The following DNER variants were observed in gnomAD, a reference collection of about 807,000 sequenced individuals.
DNER encodes delta and Notch-like epidermal growth factor-related receptor.
DNER carries 33 observed loss-of-function variants against 78.2 expected under a neutral mutation model. The ratio of observed to expected loss-of-function variants is 0.42; its 90% CI spans 0.32 to 0.56. The LOEUF is 0.56. Ranked by LOEUF, DNER falls within the 20% of genes least tolerant of loss-of-function variation. The pLI is 0.11. For synonymous variants in DNER, 417 were observed against 384.8 expected (o/e 1.08, Z -0.98); for missense variants, 918 against 975.3 (o/e 0.94, Z 0.78).
intron 1 of DNER, among the ~76,000 whole-genome samples, chr2:229,627,555 C>A (rs930184097): frequency 6.6e-6 from 1 of 152,062 alleles, no homozygotes; most frequent in Non-Finnish European, 1.5e-5. Context: ...TAACAATGAA[C>A]AAAACCAAGG....
intron 11 of DNER, among the ~76,000 whole-genome samples, chr2:229,387,891 G>GTGTGTGGTTTT (rs1240360263): frequency 4.2e-4 from 24 of 57,132 alleles, no homozygotes; most frequent in African/African-American, 9.5e-4. Context: ...GTGTGTGTGT[G>GTGTGTGGTTTT]TTTTTTAATT....
At chr2:229,618,214 C>T (rs1287455523) in intron 1 of DNER, among the ~76,000 whole-genome samples, 2 of 151,970 alleles carry the variant, frequency 1.3e-5, no homozygotes, top group African/African-American at 2.4e-5. Flanking sequence ...CCAAAATTCC[C>T]GTAAGAGTCT....
intron 1 of DNER, among the ~76,000 whole-genome samples, chr2:229,649,846 G>A (rs541588893): frequency 7.2e-5 from 11 of 152,150 alleles, no homozygotes; most frequent in South Asian, 2.1e-4. Flanking sequence ...AGGCTGAGGC[G>A]GGCGGATCAC....
chr2:229,523,018 A>C (rs970726441), intron 5 of DNER, among the ~76,000 whole-genome samples: 1 of 152,226 alleles, frequency 6.6e-6, no homozygotes, highest in Admixed American at 6.5e-5. Context: ...AGACCTTCTT[A>C]CAATTTAAGA....
At chr2:229,407,562 C>T (rs1309345990) in intron 9 of DNER, among the ~76,000 whole-genome samples, 2 of 152,182 alleles carry the variant, frequency 1.3e-5, no homozygotes, top group Non-Finnish European at 2.9e-5. Context: ...GTCCATAGGT[C>T]CCACCATAGT....
intron 4 of DNER, among the ~76,000 whole-genome samples, chr2:229,557,418 C>T (rs1009031859): frequency 3.9e-5 from 6 of 152,146 alleles, no homozygotes; most frequent in Non-Finnish European, 7.3e-5. Flanking sequence ...TGATCAGAGA[C>T]GAAAACCAGT....
At chr2:229,606,913 CAA>C (rs1340352388) in intron 1 of DNER, among the ~76,000 whole-genome samples, 4 of 151,944 alleles carry the variant, frequency 2.6e-5, no homozygotes, top group Non-Finnish European at 5.9e-5. Context: ...CCACCACCAA[CAA>C]CAACAACAAC....
chr2:229,679,709 C>G (rs555464049), intron 1 of DNER, among the ~76,000 whole-genome samples: 45 of 152,158 alleles, frequency 3.0e-4, no homozygotes, highest in Admixed American at 2.1e-3. Flanking sequence ...TTTGACAATG[C>G]CAATTCCTCT....
chr2:229,700,872 G>A (rs1379186130), intron 1 of DNER, among the ~76,000 whole-genome samples: 8 of 148,408 alleles, frequency 5.4e-5, no homozygotes, highest in Middle Eastern at 3.5e-3. Flanking sequence ...CAGCCTGGGC[G>A]ACAGAGCGAG....
intron 1 of DNER, among the ~76,000 whole-genome samples, chr2:229,691,702 AG>A (rs775471545): frequency 6.6e-4 from 101 of 152,314 alleles, no homozygotes; most frequent in South Asian, 2.1e-3. Flanking sequence ...TTTAAATATA[AG>A]TATACAAAAA....
At chr2:229,387,509 GAGAAAGAAAGAAAGAA>G (rs67136130) in intron 11 of DNER, among the ~76,000 whole-genome samples, 923 of 76,094 alleles carry the variant, frequency 0.012, 2 homozygotes, top group African/African-American at 0.02. Flanking sequence ...GAAAGAAAGA[GAGAAAGAAAGAAAGAA>G]AGAAAGAAAG....
At chr2:229,462,453 T>C (rs971926339) in intron 7 of DNER, among the ~76,000 whole-genome samples, 3 of 152,204 alleles carry the variant, frequency 2.0e-5, no homozygotes, top group East Asian at 1.9e-4. Flanking sequence ...CTAGGAGTCA[T>C]ACCTGATTGT....
intron 11 of DNER, among the ~76,000 whole-genome samples, chr2:229,370,926 G>C (rs1203552237): frequency 6.6e-6 from 1 of 152,096 alleles, no homozygotes; most frequent in Non-Finnish European, 1.5e-5. Flanking sequence ...GGCCACTAAA[G>C]TGAAAAAAAC....
intron 8 of DNER, among the ~76,000 whole-genome samples, chr2:229,423,864 C>T (rs1003410287): frequency 7.2e-5 from 11 of 152,164 alleles, no homozygotes; most frequent in South Asian, 2.1e-4. Flanking sequence ...CAACTCATCA[C>T]GACACTCAGC....
At chr2:229,407,160 G>T in intron 10 of DNER, 72 bp downstream of exon 10, 4 of 1,310,870 alleles carry the variant, frequency 3.1e-6, no homozygotes, top group Non-Finnish European at 4.3e-6. Flanking sequence ...TGATGGATTT[G>T]GGTTTTTTTA....
At chr2:229,439,788 C>T (rs1694195780) in intron 8 of DNER, among the ~76,000 whole-genome samples, 1 of 152,188 alleles carries the variant, frequency 6.6e-6, no homozygotes, top group Non-Finnish European at 1.5e-5. Flanking sequence ...GAGCTGTCCT[C>T]AGAAATGCAT....
chr2:229,667,284 G>A (rs1699108992), intron 1 of DNER, among the ~76,000 whole-genome samples: 1 of 152,144 alleles, frequency 6.6e-6, no homozygotes, highest in South Asian at 2.1e-4. Context: ...TGGGTTGAAA[G>A]GATTGCACAG....
intron 1 of DNER, among the ~76,000 whole-genome samples, chr2:229,593,245 T>TCCTCCCACA (rs201780123): frequency 0.016 from 2,388 of 152,246 alleles, 67 homozygotes; most frequent in African/African-American, 0.055. Flanking sequence ...CCCCTTCCTC[T>TCCTCCCACA]CCTCCCACAA....
intron 8 of DNER, 100 bp from the exon 9 acceptor site, chr2:229,418,330 G>A: frequency 1.3e-6 from 2 of 1,514,036 alleles, no homozygotes; most frequent in South Asian, 2.4e-5. Flanking sequence ...TCATTAGAAA[G>A]TATGGTATAA....
Sources: gnomAD v4.1 joint callset for allele counts (sites outside exome capture counted in the v4.1 genomes callset) on GRCh38, gnomAD v4.1.1 for gene constraint, MANE v1.5 for transcripts, NCBI Gene and HGNC (gene_info 2026-07-23, HGNC 2026-07-21) for gene names.